TSNARE1: variants seen among roughly 807,000 people sequenced by gnomAD.
The protein encoded by TSNARE1 is t-SNARE domain-containing protein 1.
In TSNARE1, 49 loss-of-function variants were observed where a neutral mutation model predicts 62.0. That is an observed-to-expected ratio of 0.79 (90% CI 0.63 to 1.00). The LOEUF (loss-of-function observed/expected upper bound fraction) is 1.00. TSNARE1 is among the 50% of genes least tolerant of loss of function. The probability of loss-of-function intolerance (pLI) is 0.00; values close to 1 mark genes in which losing one functional copy is unlikely to be tolerated. For missense variants in TSNARE1, 755 were observed against 700.1 expected (o/e 1.08, Z -0.88); for synonymous variants, 328 against 294.4 (o/e 1.11, Z -1.17).
intron 12 of TSNARE1, chr8:142,270,692 C>A (rs56161327): frequency 0.15 from 144,668 of 985,204 alleles, 11,216 homozygotes; most frequent in South Asian, 0.19. Context: ...GCTGAGCCAC[C>A]CTTTCCAGAG....
At position 142,345,814 on chromosome 8, in the gene TSNARE1, C is replaced by G. The variant is rs1833279143; in HGVS notation, c.167G>C (p.Cys56Ser). The change falls in exon 3 of 14, where the codon TGT (cysteine) becomes TCT (serine). Residue 56 changes from cysteine to serine, a missense_variant. Physicochemically the swap from Cys to Ser is moderately radical, Grantham distance 112 (BLOSUM62 -1). Coordinates refer to ENST00000524325, the MANE Select transcript of TSNARE1 (RefSeq NM_145003.5). ...PSPESKLQNR[C>S]VGKDGEGDLG... is the part of the protein sequence containing the mutation. ...ATCACCTTCCCCGTCCTTCCCCACA[C>G]AGCGGTTCTGCAGCTTGCTCTCTGG... 1 of 1,613,886 alleles carries G rather than the reference C, an allele frequency of 6.2e-7. No homozygotes were observed. Among genetic ancestry groups the G allele is most frequent in the Non-Finnish European group, 8.5e-7 (1 of 1,179,932 alleles).
At chr8:142,274,059 G>A (rs1586938937) in intron 12 of TSNARE1, 2 of 985,280 alleles carry the variant, frequency 2.0e-6, no homozygotes, top group Non-Finnish European at 1.2e-6. Flanking sequence ...CTCCCACCGT[G>A]GCCCATGCCA....
rs74407980 is a variant in TSNARE1 at position 142,241,965 on chromosome 8, T to C, written c.1447-12386A>G. Among the ~76,000 whole-genome samples, 236 of 113,148 alleles carry C rather than the reference T, an allele frequency of 2.1e-3. 3 individuals carry two copies. Among genetic ancestry groups the C allele is most frequent in the Middle Eastern group, 0.013 (2 of 154 alleles). 74.2% of individuals were successfully genotyped at this position (113,148 alleles called of 152,430 possible). A position where few individuals can be genotyped will look rare whatever the true frequency, so the allele number is the denominator to read the frequency against. On this transcript the variant is annotated intron_variant, in intron 12 of 13. Coordinates refer to ENST00000524325, the MANE Select transcript of TSNARE1 (RefSeq NM_145003.5). Reference sequence around the variant, plus strand: ...ATGGCTGGAAGACCAACATGTGAGATCTAAAACTCTAAAACTACAGTCTCC... The same window carrying C: ...ATGGCTGGAAGACCAACATGTGAGACCTAAAACTCTAAAACTACAGTCTCC...
chr8:142,380,776 C>T (rs193155898), intron 1 of TSNARE1, among the ~76,000 whole-genome samples: 5 of 152,222 alleles, frequency 3.3e-5, no homozygotes, highest in South Asian at 2.1e-4. Context: ...CCACCAGGGA[C>T]GGCCCACGGC....
intron 12 of TSNARE1, chr8:142,269,525 T>C (rs778591943): frequency 5.1e-5 from 50 of 985,096 alleles, no homozygotes; most frequent in Non-Finnish European, 5.9e-5. Flanking sequence ...AGCAAGGTTT[T>C]GCTATGCTGT....
intron 9 of TSNARE1, among the ~76,000 whole-genome samples, chr8:142,310,735 G>A (rs1827439110): frequency 6.6e-6 from 1 of 152,224 alleles, no homozygotes; most frequent in Middle Eastern, 3.4e-3. Flanking sequence ...TTTTTTCTCT[G>A]ACTTTAATGT....
chr8:142,382,463 G>A (rs984054065), intron 1 of TSNARE1, among the ~76,000 whole-genome samples: 8 of 152,186 alleles, frequency 5.3e-5, no homozygotes, highest in African/African-American at 1.9e-4. Context: ...TTCTGCTCGG[G>A]ATGGCAGCAA....
chr8:142,276,488 TGGCCTCGCTTCTGTTGCTGAGA>T (rs1563807379), intron 11 of TSNARE1: 3 of 985,368 alleles, frequency 3.0e-6, no homozygotes, highest in Non-Finnish European at 2.4e-6. Context: ...GGTAACAGCC[TGGCCTCGCTTCTGTTGCTGAGA>T]GGTGAATGTG....
chr8:142,351,538 G>C (rs138212018), intron 2 of TSNARE1, among the ~76,000 whole-genome samples: 68 of 152,270 alleles, frequency 4.5e-4, no homozygotes, highest in Non-Finnish European at 1.5e-4. Flanking sequence ...GAACGATAAA[G>C]AAATCACTTC....
At chr8:142,296,366 AGGGTGGTCACTGTCATGGGGGAG>A (rs1824740609) in intron 10 of TSNARE1, among the ~76,000 whole-genome samples, 1 of 38,938 alleles carries the variant, frequency 2.6e-5, no homozygotes, top group African/African-American at 1.1e-4. Context: ...TCATGGGGGA[AGGGTGGTCACTGTCATGGGGGAG>A]GGGTGGTCAC....
intron 1 of TSNARE1, among the ~76,000 whole-genome samples, chr8:142,371,077 A>G (rs1191291951): frequency 3.9e-5 from 6 of 152,232 alleles, no homozygotes; most frequent in African/African-American, 1.4e-4. Context: ...ACATTCAAAG[A>G]ATAAGGAGGG....
chr8:142,267,407 G>A (rs1267889175), intron 12 of TSNARE1, among the ~76,000 whole-genome samples: 1 of 152,186 alleles, frequency 6.6e-6, no homozygotes, highest in Non-Finnish European at 1.5e-5. Context: ...GTGCTCATTT[G>A]AGCCAGATGG....
At chr8:142,257,433 G>A (rs1818641497) in intron 12 of TSNARE1, among the ~76,000 whole-genome samples, 1 of 152,278 alleles carries the variant, frequency 6.6e-6, no homozygotes, top group African/African-American at 2.4e-5. Context: ...GTCAGGTGCT[G>A]CCTCCTGGAG....
chr8:142,331,664 G>A (rs1831057374), intron 5 of TSNARE1, 90 bp downstream of exon 5: 6 of 1,287,382 alleles, frequency 4.7e-6, no homozygotes, highest in South Asian at 2.5e-5. Context: ...CCTGAGGGGG[G>A]AAGCCATCCA....
intron 12 of TSNARE1, among the ~76,000 whole-genome samples, chr8:142,252,188 G>A (rs1256739267): frequency 3.3e-5 from 5 of 152,226 alleles, no homozygotes; most frequent in Admixed American, 3.3e-4. Flanking sequence ...ATATCTGGGC[G>A]GTTTGTTTGG....
chr8:142,331,021 C>T, intron 5 of TSNARE1, 51 bp from the exon 6 acceptor site: 1 of 1,545,758 alleles, frequency 6.5e-7, no homozygotes, highest in Non-Finnish European at 8.9e-7. Flanking sequence ...TTCCCTGCCC[C>T]CTGCTACTCC....
intron 1 of TSNARE1, among the ~76,000 whole-genome samples, chr8:142,381,239 C>T (rs1385561898): frequency 6.6e-6 from 1 of 152,246 alleles, no homozygotes; most frequent in African/African-American, 2.4e-5. Context: ...CCACCCAGCC[C>T]AGGTCCCTGT....
intron 1 of TSNARE1, among the ~76,000 whole-genome samples, chr8:142,360,003 G>T (rs913453785): frequency 6.6e-6 from 1 of 152,242 alleles, no homozygotes; most frequent in Non-Finnish European, 1.5e-5. Context: ...TGAGCTGGGT[G>T]CAGGGAAGGG....
intron 9 of TSNARE1, among the ~76,000 whole-genome samples, chr8:142,304,031 C>T (rs1826230847): frequency 6.6e-6 from 1 of 152,278 alleles, no homozygotes. Flanking sequence ...CCAGGTTCTC[C>T]TTCCCAAGCC....
Sources: gnomAD v4.1 joint callset for allele counts (sites outside exome capture counted in the v4.1 genomes callset) on GRCh38, gnomAD v4.1.1 for gene constraint, MANE v1.5 for transcripts, NCBI Gene and HGNC (gene_info 2026-07-23, HGNC 2026-07-21) for gene names.